STON2: variants seen among roughly 807,000 people sequenced by gnomAD.
STON2 encodes the protein stonin-2.
STON2 carries 29 observed loss-of-function variants against 65.7 expected under a neutral mutation model. That is an observed-to-expected ratio of 0.44 (90% CI 0.33 to 0.60). The LOEUF (loss-of-function observed/expected upper bound fraction) is 0.60, where lower values mean the gene tolerates loss of function less well. Ranked by LOEUF, STON2 falls within the 20% of genes least tolerant of loss-of-function variation. STON2 has a pLI of 0.03. For synonymous variants in STON2, 404 were observed against 414.2 expected, an observed-to-expected ratio of 0.98 and a Z score of 0.30; for missense variants, 1,054 against 1,118.1, an observed-to-expected ratio of 0.94 and a Z score of 0.82.
chr14:81,263,171 C>T lies in STON2; in HGVS notation c.*5243G>A. ...ATTGCATTCTGGACATGACCTAAGG[C>T]TAGCTTGTCCAACCCTTGGCCCATG... is the stretch of plus-strand genomic sequence containing the variant. On this transcript the variant is annotated 3_prime_UTR_variant, in exon 8 of 8. Coordinates refer to ENST00000614646, the MANE Select transcript of STON2 (RefSeq NM_001394390.1). 1 of 985,244 alleles carries T rather than the reference C, an allele frequency of 1.0e-6. No homozygotes were observed. Among genetic ancestry groups the T allele is most frequent in the Non-Finnish European group, 1.2e-6 (1 of 829,792 alleles). The allele number at this position is 985,244 out of a possible 1,614,324, so 61.0% of individuals were successfully genotyped here.
At chr14:81,296,197 A>G (rs1174896531) in intron 5 of STON2, among the ~76,000 whole-genome samples, 1 of 152,220 alleles carries the variant, frequency 6.6e-6, no homozygotes, top group Non-Finnish European at 1.5e-5. Flanking sequence ...CATTAAATGT[A>G]TTTAATTTTA....
At chr14:81,356,557 T>C (rs1898242613) in intron 4 of STON2, among the ~76,000 whole-genome samples, 1 of 152,210 alleles carries the variant, frequency 6.6e-6, no homozygotes, top group Non-Finnish European at 1.5e-5. Context: ...CTTTTTCTAT[T>C]GATTGGAATA....
chr14:81,279,547 T>G (rs957221323), intron 5 of STON2, among the ~76,000 whole-genome samples: 1 of 151,996 alleles, frequency 6.6e-6, no homozygotes, highest in Non-Finnish European at 1.5e-5. Context: ...AAAAATTAGC[T>G]GGGCGTAGTG....
At chr14:81,343,389 G>A (rs74066412) in intron 4 of STON2, among the ~76,000 whole-genome samples, 13,677 of 152,114 alleles carry the variant, frequency 0.09, 1,905 homozygotes, top group African/African-American at 0.29. Flanking sequence ...GGGGGAGAGG[G>A]GAGGCAACTC....
chr14:81,265,106 A>G lies in STON2; in HGVS notation c.*3308T>C. 5.1e-6 allele frequency: 5 copies of G among 985,076 alleles called. No homozygotes were observed. The highest frequency in any genetic ancestry group is 6.0e-6 in the Non-Finnish European group (5 of 829,822). The allele number at this position is 985,076 out of a possible 1,614,324, so 61.0% of individuals were successfully genotyped here. A position where few individuals can be genotyped will look rare whatever the true frequency, so the allele number is the denominator to read the frequency against. On this transcript the variant is annotated 3_prime_UTR_variant, in exon 8 of 8. Coordinates refer to ENST00000614646, the MANE Select transcript of STON2 (RefSeq NM_001394390.1). ...AAAAAAAAATAAAAAGTCCAGGTCC[A>G]GGGTTGCAAAAGTAGAATCTGCATA...
intron 3 of STON2, among the ~76,000 whole-genome samples, chr14:81,386,706 A>T (rs773706235): frequency 2.0e-5 from 3 of 152,230 alleles, no homozygotes; most frequent in Non-Finnish European, 4.4e-5. Context: ...CTGGCCTTGC[A>T]GAAAAATTAC....
At position 81,296,944 on chromosome 14, in the gene STON2, T is replaced by C. The variant is rs926690917; in HGVS notation, c.743-18205A>G. On this transcript the variant is annotated intron_variant, in intron 5 of 7. Coordinates refer to ENST00000614646, the MANE Select transcript of STON2 (RefSeq NM_001394390.1). ...TAAGAGGAAATAAGCACATACCATC[T>C]TCAGCCACCTGGCAAAACTGAACCA... is the stretch of plus-strand genomic sequence containing the variant. Among the ~76,000 whole-genome samples, 3 of 152,232 alleles carry C rather than the reference T, an allele frequency of 2.0e-5. No individual in the cohort carries two copies. In the South Asian group the frequency reaches 6.2e-4, roughly 32 times the overall value.
chr14:81,332,218 A>C lies in STON2; in HGVS notation c.572-8031T>G, dbSNP rs534548593. Among the ~76,000 whole-genome samples, 24 of 152,318 alleles carry C rather than the reference A, an allele frequency of 1.6e-4. No individual in the cohort carries two copies. The South Asian group carries it at 4.3e-3, about 28-fold the overall frequency. On this transcript the variant is annotated intron_variant, in intron 4 of 7. Coordinates refer to ENST00000614646, the MANE Select transcript of STON2 (RefSeq NM_001394390.1). ...CGGGCCAGATCTTCCATGGTCTCTG[A>C]AAGTTATGAGAATATTCACCCAACA...
Position 81,267,215 on chromosome 14 carries a change from C to G in STON2, c.*1199G>C, listed in dbSNP as rs1346487053. 1.0e-6 allele frequency: 1 copy of G among 985,324 alleles called. No homozygotes were observed. The highest frequency in any genetic ancestry group is 1.2e-6 in the Non-Finnish European group (1 of 829,900). 61.0% of individuals were successfully genotyped at this position (985,324 alleles called of 1,614,324 possible). A position where few individuals can be genotyped will look rare whatever the true frequency, so the allele number is the denominator to read the frequency against. On this transcript the variant is annotated 3_prime_UTR_variant, in exon 8 of 8. Transcript: ENST00000614646. Reference sequence around the variant, plus strand: ...AAAAGAAGATTAATTGTCCCAGAAACAGATGAAGAAAAAGAAGATGGAGTG... The same window carrying G: ...AAAAGAAGATTAATTGTCCCAGAAAGAGATGAAGAAAAAGAAGATGGAGTG...
At chr14:81,346,943 G>A (rs1023800489) in intron 4 of STON2, among the ~76,000 whole-genome samples, 3 of 151,978 alleles carry the variant, frequency 2.0e-5, no homozygotes, top group South Asian at 2.1e-4. Context: ...AACAATAAAC[G>A]TATACATCAA....
intron 2 of STON2, among the ~76,000 whole-genome samples, chr14:81,408,419 T>G (rs1386448782): frequency 6.6e-6 from 1 of 152,198 alleles, no homozygotes; most frequent in Admixed American, 6.5e-5. Context: ...AATGTCATAC[T>G]TTGACCACAG....
At chr14:81,375,606 C>T (rs944746203) in intron 3 of STON2, among the ~76,000 whole-genome samples, 10 of 151,862 alleles carry the variant, frequency 6.6e-5, no homozygotes, top group Admixed American at 5.3e-4. Context: ...TGTTAAAATA[C>T]ACCTCTCAGT....
chr14:81,424,669 C>A (rs10146094), intron 2 of STON2, among the ~76,000 whole-genome samples: 1 of 151,976 alleles, frequency 6.6e-6, no homozygotes, highest in African/African-American at 2.4e-5. Flanking sequence ...TCACCACAGA[C>A]AATGGGACAG....
intron 2 of STON2, 113 bp downstream of exon 2, chr14:81,398,182 A>C (rs1270973995): frequency 1.5e-6 from 1 of 677,168 alleles, no homozygotes; most frequent in African/African-American, 1.9e-5. Context: ...TGAGAAACTG[A>C]CCCTTTTTTC....
chr14:81,276,013 G>A (rs1047722144), intron 6 of STON2, among the ~76,000 whole-genome samples: 4 of 152,224 alleles, frequency 2.6e-5, no homozygotes, highest in African/African-American at 7.2e-5. Context: ...TGGGCAAAAT[G>A]TATTCTAAAC....
intron 5 of STON2, among the ~76,000 whole-genome samples, chr14:81,294,967 C>T (rs536910712): frequency 6.6e-6 from 1 of 152,340 alleles, no homozygotes; most frequent in South Asian, 2.1e-4. Flanking sequence ...GGTTCCAAAT[C>T]AATCCTGCAT....
At chr14:81,419,174 T>A (rs1901584863) in intron 2 of STON2, among the ~76,000 whole-genome samples, 1 of 152,302 alleles carries the variant, frequency 6.6e-6, no homozygotes, top group South Asian at 2.1e-4. Context: ...GAGTGCTTAC[T>A]CTATACAGTA....
At position 81,377,263 on chromosome 14, in the gene STON2, C is replaced by T. The variant is rs183481787; in HGVS notation, c.374-6078G>A. Among the ~76,000 whole-genome samples, 4 of 152,306 alleles carry T rather than the reference C, an allele frequency of 2.6e-5. No homozygotes were observed. In the East Asian group the frequency reaches 5.8e-4, roughly 22 times the overall value. ...AGAATGCAATATAAATGGAATCATG[C>T]ATTATACAACTTTTTAGGACTGGCT... On this transcript the variant is annotated intron_variant, in intron 3 of 7. Coordinates refer to ENST00000614646, the MANE Select transcript of STON2 (RefSeq NM_001394390.1).
chr14:81,319,449 C>T (rs763730383), intron 5 of STON2, among the ~76,000 whole-genome samples: 7 of 152,072 alleles, frequency 4.6e-5, no homozygotes, highest in Non-Finnish European at 1.0e-4. Context: ...TACATTCTAG[C>T]CATCAATATG....
Sources: gnomAD v4.1 joint callset for allele counts (sites outside exome capture counted in the v4.1 genomes callset) on GRCh38, gnomAD v4.1.1 for gene constraint, MANE v1.5 for transcripts, NCBI Gene and HGNC (gene_info 2026-07-23, HGNC 2026-07-21) for gene names.